CCDC57: variants seen among roughly 807,000 people sequenced by gnomAD.
The protein encoded by CCDC57 is coiled-coil domain-containing protein 57.
Under a neutral mutation model 118.9 loss-of-function variants are expected in CCDC57, and 118 were observed. The observed-to-expected ratio is 0.99, with a 90% CI of 0.86 to 1.16. The LOEUF (loss-of-function observed/expected upper bound fraction) is 1.16, where lower values mean the gene tolerates loss of function less well. CCDC57 is among the 50% of genes most tolerant of loss of function. The pLI, the probability that CCDC57 is intolerant of heterozygous loss-of-function variation, is 0.00. For synonymous variants in CCDC57, 527 were observed against 532.9 expected, an observed-to-expected ratio of 0.99 and a Z score of 0.15; for missense variants, 1,300 against 1,320.7, an observed-to-expected ratio of 0.98 and a Z score of 0.24.
At chr17:82,102,256 C>G (rs754439866) in intron 19 of CCDC57, among the ~76,000 whole-genome samples, 3 of 152,194 alleles carry the variant, frequency 2.0e-5, no homozygotes, top group African/African-American at 4.8e-5. Context: ...GCTCCTCCCC[C>G]CAGGCTGCCC....
chr17:82,117,334 G>C (rs1161079769), intron 19 of CCDC57, among the ~76,000 whole-genome samples: 1 of 152,044 alleles, frequency 6.6e-6, no homozygotes, highest in Non-Finnish European at 1.5e-5. Context: ...GACAGAGGGA[G>C]ATCCTGACTC....
intron 16 of CCDC57, among the ~76,000 whole-genome samples, chr17:82,146,252 G>A (rs568113936): frequency 7.9e-4 from 120 of 152,350 alleles, no homozygotes; most frequent in Non-Finnish European, 1.5e-3. Context: ...TGGCCATTCT[G>A]TACTACTTAA....
At chr17:82,158,946 G>A (rs1388520007) in intron 14 of CCDC57, among the ~76,000 whole-genome samples, 1 of 152,006 alleles carries the variant, frequency 6.6e-6, no homozygotes, top group East Asian at 1.9e-4. Context: ...TCAACCATCT[G>A]GGCTCAAGCA....
chr17:82,126,661 G>A, intron 19 of CCDC57: 6 of 985,290 alleles, frequency 6.1e-6, no homozygotes, highest in Non-Finnish European at 7.2e-6. Flanking sequence ...CCTCTGGGTG[G>A]GTGGCGGAGG....
At position 82,169,065 on chromosome 17, in the gene CCDC57, A is replaced by G. The variant is rs543974467; in HGVS notation, c.1882+2636T>C. ...ACCGGAGAGTTTAGCTAGGGGCGAT[A>G]ATGCAAGAAGAAGTAAACAATATCA... On this transcript the variant is annotated intron_variant, in intron 13 of 19. Coordinates refer to ENST00000665763, the Ensembl canonical transcript of CCDC57. Among the ~76,000 whole-genome samples, 226 of 152,334 alleles carry G rather than the reference A, an allele frequency of 1.5e-3. 1 individual carries two copies. In the South Asian group the frequency reaches 0.017, roughly 11 times the overall value.
chr17:82,188,533 G>A (rs970444825), intron 7 of CCDC57, 114 bp from the exon 7 acceptor site: 32 of 1,102,328 alleles, frequency 2.9e-5, no homozygotes, highest in Non-Finnish European at 3.9e-5. Context: ...CTGTATGTCT[G>A]CCTCAAGGCT....
intron 13 of CCDC57, among the ~76,000 whole-genome samples, chr17:82,165,530 G>T (rs1038353162): frequency 4.0e-5 from 6 of 151,620 alleles, no homozygotes; most frequent in Admixed American, 2.6e-4. Flanking sequence ...TGGGACCAAC[G>T]GAGCAAGAAG....
intron 16 of CCDC57, among the ~76,000 whole-genome samples, chr17:82,150,167 C>T (rs1229488901): frequency 6.7e-6 from 1 of 150,068 alleles, no homozygotes; most frequent in Non-Finnish European, 1.5e-5. Flanking sequence ...ACACCCAGAA[C>T]CAGGTGCACA....
At chr17:82,173,357 G>A (rs1456767864) in intron 11 of CCDC57, among the ~76,000 whole-genome samples, 3 of 152,144 alleles carry the variant, frequency 2.0e-5, no homozygotes, top group Non-Finnish European at 4.4e-5. Flanking sequence ...TTCAGAGCGC[G>A]CAGAAGAAAA....
At chr17:82,159,378 G>A (rs143756265) in intron 14 of CCDC57, among the ~76,000 whole-genome samples, 2 of 152,200 alleles carry the variant, frequency 1.3e-5, no homozygotes, top group South Asian at 2.1e-4. Flanking sequence ...GCAAAGCATC[G>A]GGGATCTGGA....
Position 82,118,498 on chromosome 17 carries a change from C to T in CCDC57, c.2899+9194G>A, listed in dbSNP as rs1347484247. ...GGAACTTGCGGGGCTTAGCTGCCCA[C>T]ACACGTGGGACAGACTGTTGGGTGG... On this transcript the variant is annotated intron_variant, in intron 19 of 19. Coordinates refer to ENST00000665763, the Ensembl canonical transcript of CCDC57. This position sits in a 1 kb window ranked among gnomAD's most constrained non-coding sequence, Gnocchi z 4.7. 6.6e-6 allele frequency among the ~76,000 whole-genome samples: 1 copy of T among 152,158 alleles called. No individual in the cohort carries two copies. Among genetic ancestry groups the T allele is most frequent in the Non-Finnish European group, 1.5e-5 (1 of 68,030 alleles).
At chr17:82,184,614 A>G (rs769263765) in intron 8 of CCDC57, among the ~76,000 whole-genome samples, 4 of 152,226 alleles carry the variant, frequency 2.6e-5, no homozygotes, top group East Asian at 1.9e-4. Flanking sequence ...ACGGCCCACA[A>G]GAGCAACTGT....
chr17:82,200,449 A>G (rs8074267), intron 3 of CCDC57, among the ~76,000 whole-genome samples: 71,059 of 151,910 alleles, frequency 0.47, 17,390 homozygotes, highest in East Asian at 0.88. Flanking sequence ...ACTTTCTATG[A>G]TAAGAATAGT....
chr17:82,113,542 C>T, intron 19 of CCDC57: 1 of 717,604 alleles, frequency 1.4e-6, no homozygotes, highest in South Asian at 1.5e-5. Context: ...TGTTTTTGCA[C>T]ACTGAGGAGC....
At chr17:82,148,373 G>A (rs552944928) in intron 16 of CCDC57, among the ~76,000 whole-genome samples, 99 of 852 alleles carry the variant, frequency 0.12, 3 homozygotes, top group South Asian at 0.3. Flanking sequence ...GGGTGGATGG[G>A]TGGGTGGGTG....
rs71166198 is a variant in CCDC57, at chr17:82,184,031, GCACACACACACACACACACACA to G, written c.1053-121_1053-100del. 2.2e-4 allele frequency: 29 copies of G among 131,860 alleles called. 1 individual carries two copies. Among genetic ancestry groups the G allele is most frequent in the South Asian group, 1.1e-3 (10 of 9,016 alleles). 8.2% of individuals were successfully genotyped at this position (131,860 alleles called of 1,614,324 possible). A position where few individuals can be genotyped will look rare whatever the true frequency, so the allele number is the denominator to read the frequency against. On this transcript the variant is annotated intron_variant, in intron 8 of 19. Coordinates refer to ENST00000665763, the Ensembl canonical transcript of CCDC57. ...CAAATACACATGCGCGCGCGCGCGC[GCACACACACACACACACACACA>G]CACACACACACACACACACACACAC...
At chr17:82,181,279 G>A (rs906819002) in intron 9 of CCDC57, among the ~76,000 whole-genome samples, 4 of 152,220 alleles carry the variant, frequency 2.6e-5, no homozygotes, top group Admixed American at 2.0e-4. Context: ...CTCCACGTGC[G>A]CTGATTCCCA....
intron 15 of CCDC57, chr17:82,156,847 T>G (rs2042736648): frequency 6.6e-6 from 1 of 152,624 alleles, no homozygotes; most frequent in African/African-American, 2.4e-5. Context: ...GGCCGCATCT[T>G]CCTCAGTCCA....
chr17:82,172,756 C>G lies in CCDC57; in HGVS notation c.1611G>C (p.Gln537His), dbSNP rs1234745222. ...TTAGAGCCTCCATTTCTTTCCTCAT[C>G]TGGGCAATCGCGTTTCGCAAGCTCG... Residue 537 changes from glutamine (Q) to histidine (H), a missense_variant, in exon 12 of 20, where the codon CAG (glutamine) becomes CAC (histidine). Transcript: ENST00000665763. This position sits in a 1 kb window ranked among gnomAD's most constrained non-coding sequence, Gnocchi z 5.2. 6 of 1,611,510 alleles carry G rather than the reference C, an allele frequency of 3.7e-6. No homozygotes were observed. The highest frequency in any genetic ancestry group is 1.7e-5 in the Admixed American group (1 of 59,678).
Sources: gnomAD v4.1 joint callset for allele counts (sites outside exome capture counted in the v4.1 genomes callset) on GRCh38, gnomAD v4.1.1 for gene constraint, Gnocchi (gnomAD v3.1) non-coding constraint, MANE v1.5 for transcripts, NCBI Gene and HGNC (gene_info 2026-07-23, HGNC 2026-07-21) for gene names.